Variants in LIMCH1 observed in about 807,000 individuals in gnomAD.
LIMCH1 encodes the protein LIM and calponin homology domains-containing protein 1.
A neutral mutation model predicts 176.5 loss-of-function variants in LIMCH1; 113 were observed. The ratio of observed to expected loss-of-function variants is 0.64; its 90% CI spans 0.55 to 0.75. The LOEUF (loss-of-function observed/expected upper bound fraction) is 0.75, where lower values mean the gene tolerates loss of function less well. LIMCH1 is among the 30% of genes least tolerant of loss of function. The probability of loss-of-function intolerance (pLI) is 0.00; values close to 1 mark genes in which losing one functional copy is unlikely to be tolerated. For synonymous variants in LIMCH1, 619 were observed against 645.9 expected (o/e 0.96, Z 0.63); for missense variants, 1,674 against 1,814.9 (o/e 0.92, Z 1.41).
intron 1 of LIMCH1, among the ~76,000 whole-genome samples, chr4:41,422,669 G>A (rs1279218547): frequency 6.6e-6 from 1 of 152,090 alleles, no homozygotes; most frequent in Non-Finnish European, 1.5e-5. Context: ...AATCAATTTG[G>A]GACTAAAAAG....
chr4:41,591,583 T>G (rs1389510243), intron 1 of LIMCH1, among the ~76,000 whole-genome samples: 1 of 152,168 alleles, frequency 6.6e-6, no homozygotes, highest in Non-Finnish European at 1.5e-5. Flanking sequence ...TTATAGAAAA[T>G]GTATAAAAAT....
chr4:41,538,224 GA>G lies in LIMCH1; in HGVS notation c.-364del. On this transcript the variant is annotated 5_prime_UTR_variant, in exon 1 of 32. Transcript: ENST00000503057. ...TTGGCAGTGGTGACGACTGTTTTGG[GA>G]AAGGAAATGTAAGGGCATTTCGGCT... 2 of 985,592 alleles carry G rather than the reference GA, an allele frequency of 2.0e-6. No individual in the cohort carries two copies. Among genetic ancestry groups the G allele is most frequent in the Non-Finnish European group, 1.2e-6 (1 of 830,038 alleles). 61.1% of individuals were successfully genotyped at this position (985,592 alleles called of 1,614,324 possible). A position where few individuals can be genotyped will look rare whatever the true frequency, so the allele number is the denominator to read the frequency against.
chr4:41,691,966 T>C (rs1186566168), intron 30 of LIMCH1, among the ~76,000 whole-genome samples: 6 of 152,286 alleles, frequency 3.9e-5, no homozygotes, highest in Admixed American at 6.5e-5. Context: ...AAACGGTGTA[T>C]GATAGAGGTT....
At chr4:41,609,723 T>C (rs148192987) in intron 4 of LIMCH1, 1 of 451,144 alleles carries the variant, frequency 2.2e-6, no homozygotes, top group Non-Finnish European at 4.5e-6. Context: ...ATACTTTAAC[T>C]AGAGTAACTC....
At chr4:41,613,227 T>C (rs2091666833) in intron 4 of LIMCH1, 2 of 914,646 alleles carry the variant, frequency 2.2e-6, no homozygotes, top group Admixed American at 6.3e-5. Context: ...ATGAGTTATT[T>C]GGGGATTTTT....
intron 5 of LIMCH1, among the ~76,000 whole-genome samples, chr4:41,616,053 CT>C (rs1384646638): frequency 1.3e-5 from 2 of 152,092 alleles, no homozygotes; most frequent in Non-Finnish European, 2.9e-5. Context: ...ACTTAATGGG[CT>C]TCATTGAAGA....
rs181215338 is a variant in LIMCH1, at chr4:41,594,504, A to G, written c.-240-4416A>G. Among the ~76,000 whole-genome samples, 232 of 152,360 alleles carry G rather than the reference A, an allele frequency of 1.5e-3. No homozygotes were observed. In the Middle Eastern group the frequency reaches 0.02, roughly 13 times the overall value. On this transcript the variant is annotated intron_variant, in intron 1 of 31. Coordinates refer to ENST00000503057, the MANE Select transcript of LIMCH1 (RefSeq NM_001330672.2). ...AATCTCAGTGTGAACAGCAAGGCAG[A>G]TGAGAATTCACAGAATGCATTTTAT...
chr4:41,642,136 A>T (rs1184477002), intron 14 of LIMCH1, among the ~76,000 whole-genome samples: 2 of 152,174 alleles, frequency 1.3e-5, no homozygotes, highest in African/African-American at 4.8e-5. Flanking sequence ...ACCTGTAGAT[A>T]TTATAGATGG....
At chr4:41,581,347 T>TATAATAACACTGTATAGTTAATA (rs1279701319) in intron 1 of LIMCH1, among the ~76,000 whole-genome samples, 3 of 152,208 alleles carry the variant, frequency 2.0e-5, no homozygotes, top group Non-Finnish European at 2.9e-5. Context: ...ATTTCAAGTA[T>TATAATAACACTGTATAGTTAATA]ACAATACAGT....
chr4:41,558,550 G>A (rs533822737), intron 1 of LIMCH1, among the ~76,000 whole-genome samples: 27 of 151,868 alleles, frequency 1.8e-4, no homozygotes, highest in Admixed American at 1.1e-3. Flanking sequence ...TGCCATTACC[G>A]TCCCAGCCCT....
chr4:41,650,750 A>G, intron 18 of LIMCH1, 142 bp downstream of exon 18: 1 of 707,146 alleles, frequency 1.4e-6, no homozygotes, highest in East Asian at 2.7e-5. Flanking sequence ...TAAGTACCAC[A>G]AACTCAGTGG....
chr4:41,360,607 C>G, upstream of LIMCH1: 1 of 265,500 alleles, frequency 3.8e-6, no homozygotes, highest in Non-Finnish European at 7.0e-6. The surrounding 1 kb of genome is among the most constrained non-coding windows in gnomAD (Gnocchi z 4.5). Context: ...CCGGCGCCTC[C>G]GCGCTCGCTC....
At chr4:41,639,066 C>G in intron 14 of LIMCH1, 99 bp downstream of exon 14, 1 of 880,814 alleles carries the variant, frequency 1.1e-6, no homozygotes, top group Non-Finnish European at 1.7e-6. Flanking sequence ...TGCAAGTGAA[C>G]TGAATAGTTA....
intron 1 of LIMCH1, among the ~76,000 whole-genome samples, chr4:41,573,679 T>G (rs543071670): frequency 5.0e-4 from 76 of 152,338 alleles, no homozygotes; most frequent in Admixed American, 1.3e-3. Context: ...CAACTTGTGA[T>G]GAGCAATACT....
Position 41,631,413 on chromosome 4 carries a change from C to T in LIMCH1, c.1537C>T (p.Pro513Ser), listed in dbSNP as rs763369989. 3.9e-5 allele frequency: 60 copies of T among 1,533,632 alleles called. No homozygotes were observed. Among genetic ancestry groups the T allele is most frequent in the Non-Finnish European group, 1.8e-5 (21 of 1,146,304 alleles). ...CAAGATTCAAATGGACTCTGTGTCT[C>T]CTGTCTCAGCGGCCACTTCCAGCTT... ...GSKIQMDSVSPVSAATSSLKG... is the reference protein window; with the variant it reads ...GSKIQMDSVSSVSAATSSLKG... The change falls in exon 10 of 32, where the codon CCT becomes TCT. Residue 513 changes from proline to serine, a missense_variant. Pro to Ser is a moderately conservative substitution (Grantham distance 74). Around this residue, in one of 3 missense-constraint regions of LIMCH1, gnomAD observed 655 missense variants for 692.2 expected, o/e 0.95. Transcript: ENST00000503057.
chr4:41,661,381 G>A (rs1585501209), intron 18 of LIMCH1, 39 bp from the exon 19 acceptor site: 2 of 1,381,328 alleles, frequency 1.4e-6, no homozygotes, highest in Non-Finnish European at 2.0e-6. Context: ...ACTTTTAAAG[G>A]AATCATTTAT....
chr4:41,488,377 T>C (rs1339438124), intron 1 of LIMCH1, among the ~76,000 whole-genome samples: 4 of 152,208 alleles, frequency 2.6e-5, no homozygotes, highest in East Asian at 3.8e-4. Flanking sequence ...TTAAAGTCTA[T>C]GTTTAAAATA....
At chr4:41,696,529 G>A in intron 31 of LIMCH1, among the ~76,000 whole-genome samples, 1 of 152,148 alleles carries the variant, frequency 6.6e-6, no homozygotes, top group East Asian at 1.9e-4. Flanking sequence ...CCAAGTTAAA[G>A]TTGAATTTCA....
At chr4:41,540,652 T>C (rs1349042761) in intron 1 of LIMCH1, among the ~76,000 whole-genome samples, 1 of 151,988 alleles carries the variant, frequency 6.6e-6, no homozygotes, top group Non-Finnish European at 1.5e-5. Context: ...GGCAGGAGAA[T>C]CGCTTGAACC....
Sources: allele counts gnomAD v4.1 joint callset (sites outside exome capture counted in the v4.1 genomes callset), GRCh38; gene constraint gnomAD v4.1.1; regional missense constraint gnomAD v4.1.1; non-coding constraint Gnocchi (gnomAD v3.1); transcripts MANE v1.5; gene names NCBI Gene and HGNC (gene_info 2026-07-23, HGNC 2026-07-21).